Variants in ASIC2 observed in about 807,000 individuals in gnomAD.
The protein encoded by ASIC2 is acid sensing ion channel subunit 2.
A neutral mutation model predicts 57.3 loss-of-function variants in ASIC2; 25 were observed. The observed-to-expected ratio is 0.44, with a 90% CI of 0.32 to 0.61. The LOEUF is 0.61. ASIC2 is among the 20% of genes least tolerant of loss of function. ASIC2 has a pLI of 0.06. For missense variants in ASIC2, 641 were observed against 738.1 expected (o/e 0.87, Z 1.52); for synonymous variants, 319 against 307.5 (o/e 1.04, Z -0.39).
intron 1 of ASIC2, among the ~76,000 whole-genome samples, chr17:33,184,603 C>T (rs1031502869): frequency 1.3e-5 from 2 of 152,148 alleles, no homozygotes; most frequent in Non-Finnish European, 2.9e-5. Context: ...CCTGCTTTGA[C>T]CTGGTTTCAT....
At chr17:34,093,763 T>C (rs1259612694) in intron 1 of ASIC2, among the ~76,000 whole-genome samples, 1 of 152,160 alleles carries the variant, frequency 6.6e-6, no homozygotes, top group Non-Finnish European at 1.5e-5. Flanking sequence ...TCTGGGCCTT[T>C]TGTGTGAACT....
At chr17:33,604,837 C>G (rs143945323) in intron 1 of ASIC2, among the ~76,000 whole-genome samples, 12 of 152,156 alleles carry the variant, frequency 7.9e-5, no homozygotes, top group Admixed American at 1.3e-4. Flanking sequence ...AAATCTCCCC[C>G]CTAAAACTCG....
chr17:33,459,092 T>C lies in ASIC2; in HGVS notation c.556-347025A>G, dbSNP rs529374309. 2.0e-5 allele frequency among the ~76,000 whole-genome samples: 3 copies of C among 151,952 alleles called. No homozygotes were observed. The South Asian group carries it at 6.3e-4, about 32-fold the overall frequency. On this transcript the variant is annotated intron_variant, in intron 1 of 9. Coordinates refer to the ASIC2 transcript ENST00000359872. The stretch of plus-strand genomic sequence containing the variant: ...ATTACCTTCGTTTTTTTGTTTTTTG[T>C]GTTTTCTGTTTTTTTTAATGACCCA...
rs1439544790 is a variant in ASIC2 at position 33,479,594 on chromosome 17, GT to G, written c.556-367528del. On this transcript the variant is annotated intron_variant, in intron 1 of 9. Coordinates refer to the ASIC2 transcript ENST00000359872. ...ACTGGATGGGGGTGTTTCTTCACCA[GT>G]GGGCCTTCTGGGGTGCTTCCCAGGG... Among the ~76,000 whole-genome samples, 3 of 152,326 alleles carry G rather than the reference GT, an allele frequency of 2.0e-5. No homozygotes were observed. In the East Asian group the frequency reaches 5.8e-4, roughly 29 times the overall value.
intron 1 of ASIC2, among the ~76,000 whole-genome samples, chr17:33,974,264 T>A (rs1905305697): frequency 6.6e-6 from 1 of 152,134 alleles, no homozygotes; most frequent in Non-Finnish European, 1.5e-5. Flanking sequence ...TCCCTCCCAA[T>A]TCCCAAGTCT....
At chr17:33,622,406 C>T (rs1905831639) in intron 1 of ASIC2, among the ~76,000 whole-genome samples, 1 of 152,134 alleles carries the variant, frequency 6.6e-6, no homozygotes, top group Non-Finnish European at 1.5e-5. Flanking sequence ...CACACACACA[C>T]ACAGACACTC....
At chr17:33,555,840 G>C (rs1037099803) in intron 1 of ASIC2, among the ~76,000 whole-genome samples, 24 of 152,040 alleles carry the variant, frequency 1.6e-4, no homozygotes, top group African/African-American at 5.8e-4. Flanking sequence ...CATTTTCAAG[G>C]GATACAGGGA....
intron 1 of ASIC2, among the ~76,000 whole-genome samples, chr17:33,698,919 T>A (rs1908612605): frequency 6.6e-6 from 1 of 152,136 alleles, no homozygotes; most frequent in African/African-American, 2.4e-5. Flanking sequence ...ATGCCCCCCC[T>A]CTGCTTTTTG....
chr17:34,090,461 T>C (rs1261232663), intron 1 of ASIC2, among the ~76,000 whole-genome samples: 2 of 151,784 alleles, frequency 1.3e-5, no homozygotes, highest in African/African-American at 4.8e-5. Flanking sequence ...ACCATGCCGG[T>C]TGTGGTACAG....
chr17:33,973,069 G>A (rs1343716925), intron 1 of ASIC2, among the ~76,000 whole-genome samples: 1 of 152,226 alleles, frequency 6.6e-6, no homozygotes, highest in African/African-American at 2.4e-5. Context: ...ACCCAAAGAG[G>A]GGATGATCTG....
intron 1 of ASIC2, among the ~76,000 whole-genome samples, chr17:33,685,303 G>A (rs576219166): frequency 3.1e-4 from 47 of 152,256 alleles, no homozygotes; most frequent in African/African-American, 8.4e-4. Flanking sequence ...CACACCCAGC[G>A]TGAAGATGAA....
chr17:33,844,035 T>G (rs1026727789), intron 1 of ASIC2, among the ~76,000 whole-genome samples: 9 of 152,164 alleles, frequency 5.9e-5, no homozygotes, highest in Non-Finnish European at 1.3e-4. Context: ...AATTTATCTT[T>G]TAAAAAATCA....
At chr17:33,569,772 C>T (rs1916369825) in intron 1 of ASIC2, among the ~76,000 whole-genome samples, 1 of 152,178 alleles carries the variant, frequency 6.6e-6, no homozygotes, top group African/African-American at 2.4e-5. Flanking sequence ...ATCCATAATT[C>T]ATCCATGAAC....
At chr17:34,112,477 A>G (rs908231252) in intron 1 of ASIC2, among the ~76,000 whole-genome samples, 14 of 152,110 alleles carry the variant, frequency 9.2e-5, no homozygotes, top group African/African-American at 3.4e-4. Context: ...AAAAAAAGGA[A>G]AACTTCAGCC....
chr17:33,399,945 T>A (rs1910222011), intron 1 of ASIC2, among the ~76,000 whole-genome samples: 1 of 152,218 alleles, frequency 6.6e-6, no homozygotes, highest in African/African-American at 2.4e-5. Context: ...ATCTGTCTCA[T>A]TAGTTAACTT....
At chr17:33,472,076 A>G (rs1441345990) in intron 1 of ASIC2, among the ~76,000 whole-genome samples, 30 of 149,240 alleles carry the variant, frequency 2.0e-4, no homozygotes, top group Admixed American at 2.0e-3. Flanking sequence ...CTGGAGTGCA[A>G]TGGCGTGATC....
intron 1 of ASIC2, among the ~76,000 whole-genome samples, chr17:33,592,443 G>A (rs1203912783): frequency 6.6e-6 from 1 of 152,254 alleles, no homozygotes; most frequent in African/African-American, 2.4e-5. Context: ...GCACAAGCCT[G>A]AAGTGAGGGA....
At chr17:33,749,731 C>T (rs1329528861) in intron 1 of ASIC2, among the ~76,000 whole-genome samples, 2 of 152,156 alleles carry the variant, frequency 1.3e-5, no homozygotes, top group Non-Finnish European at 2.9e-5. Context: ...TCAACACCCA[C>T]TTCACCGTCA....
At chr17:33,514,039 G>A (rs556137097) in intron 1 of ASIC2, among the ~76,000 whole-genome samples, 30 of 152,310 alleles carry the variant, frequency 2.0e-4, no homozygotes, top group African/African-American at 6.7e-4. Flanking sequence ...ATGGAACCTC[G>A]TGTACCTCGT....
Sources: allele counts gnomAD v4.1 joint callset (sites outside exome capture counted in the v4.1 genomes callset), GRCh38; gene constraint gnomAD v4.1.1; transcripts MANE v1.5; gene names NCBI Gene and HGNC (gene_info 2026-07-23, HGNC 2026-07-21).